The following CCDC91 variants were observed in gnomAD, a reference collection of about 807,000 sequenced individuals.
CCDC91 encodes coiled-coil domain-containing protein 91.
In CCDC91, 48 loss-of-function variants were observed where a neutral mutation model predicts 63.2. The observed-to-expected ratio is 0.76, with a 90% CI of 0.60 to 0.97. The LOEUF (loss-of-function observed/expected upper bound fraction) is 0.97. Ranked by LOEUF, CCDC91 falls within the 50% of genes least tolerant of loss-of-function variation. CCDC91 has a pLI of 0.00. For missense variants in CCDC91, 500 were observed against 494.6 expected (o/e 1.01, Z -0.10); for synonymous variants, 167 against 165.8 (o/e 1.01, Z -0.06).
At chr12:28,240,114 G>A (rs1451292310) in intron 1 of CCDC91, among the ~76,000 whole-genome samples, 1 of 152,124 alleles carries the variant, frequency 6.6e-6, no homozygotes, top group African/African-American at 2.4e-5. Flanking sequence ...GTCATCATGA[G>A]TTATTAAAGA....
At chr12:28,230,845 G>A (rs1474229035) in intron 1 of CCDC91, among the ~76,000 whole-genome samples, 2 of 152,000 alleles carry the variant, frequency 1.3e-5, no homozygotes, top group African/African-American at 2.4e-5. Flanking sequence ...GGCTGGTCTC[G>A]AACTCCTGGA....
At chr12:28,193,605 CAAA>C (rs61394800) in intron 1 of CCDC91, among the ~76,000 whole-genome samples, 38 of 130,574 alleles carry the variant, frequency 2.9e-4, no homozygotes, top group South Asian at 5.0e-4. Context: ...GTCTCAAAAA[CAAA>C]AAAAAAAAAA....
In CCDC91 at chr12:28,306,925, G is replaced by A; in HGVS notation, c.451G>A (p.Glu151Lys). The change falls in exon 5 of 13, where the codon GAA becomes AAA. Residue 151 changes from glutamate to lysine, a missense_variant. Glu to Lys is a moderately conservative substitution (Grantham distance 56). Coordinates refer to ENST00000536442, the MANE Select transcript of CCDC91 (RefSeq NM_018318.5). ...LEIKLKVSEEEKQRIKQDVES... is the reference protein window; with the variant it reads ...LEIKLKVSEEKKQRIKQDVES... ...GATTAAACTCAAAGTATCTGAAGAA[G>A]AAAAACAGAGAATTAAACAGGTATA... The A allele has an allele frequency of 6.2e-7, 1 of 1,605,028 alleles. No homozygotes were observed.
chr12:28,394,711 G>GCTCTCTCTCTCTCTCTCT (rs151131648), intron 8 of CCDC91, among the ~76,000 whole-genome samples: 2,511 of 136,958 alleles, frequency 0.018, 92 homozygotes, highest in Non-Finnish European at 0.024. Context: ...TCTGTTTCTT[G>GCTCTCTCTCTCTCTCTCT]CTCTCTCTCT....
intron 7 of CCDC91, among the ~76,000 whole-genome samples, chr12:28,385,255 C>A (rs1216943427): frequency 6.6e-6 from 1 of 151,966 alleles, no homozygotes; most frequent in East Asian, 1.9e-4. Flanking sequence ...ATACTATTAT[C>A]CTCAAGCTAA....
chr12:28,442,881 G>C (rs1165082853), intron 8 of CCDC91, among the ~76,000 whole-genome samples: 1 of 152,064 alleles, frequency 6.6e-6, no homozygotes, highest in Non-Finnish European at 1.5e-5. Flanking sequence ...AAGAGAATAA[G>C]TGCCTAACTT....
chr12:28,391,996 C>T (rs1428168118), intron 8 of CCDC91, among the ~76,000 whole-genome samples: 1 of 152,064 alleles, frequency 6.6e-6, no homozygotes, highest in South Asian at 2.1e-4. Flanking sequence ...ATTAAATTGA[C>T]TTCATATAGA....
chr12:28,279,452 C>T (rs899715151), intron 3 of CCDC91, among the ~76,000 whole-genome samples: 3 of 152,066 alleles, frequency 2.0e-5, no homozygotes, highest in Non-Finnish European at 4.4e-5. Flanking sequence ...AAGGTGAAGA[C>T]TTACTGGCCT....
chr12:28,470,380 T>C (rs1014116949), intron 11 of CCDC91, among the ~76,000 whole-genome samples: 1 of 152,122 alleles, frequency 6.6e-6, no homozygotes, highest in Admixed American at 6.6e-5. Flanking sequence ...AAAACTGCAG[T>C]GAGATATAAT....
intron 3 of CCDC91, among the ~76,000 whole-genome samples, chr12:28,295,750 G>T (rs1357275028): frequency 6.6e-6 from 1 of 151,930 alleles, no homozygotes; most frequent in Admixed American, 6.6e-5. Context: ...ATTTCTTAAG[G>T]ATCTAGTTTC....
chr12:28,190,977 G>A (rs1941177038), intron 1 of CCDC91, among the ~76,000 whole-genome samples: 1 of 152,254 alleles, frequency 6.6e-6, no homozygotes, highest in Non-Finnish European at 1.5e-5. Flanking sequence ...ACCGAACGGA[G>A]ACCTTGATTC....
chr12:28,304,637 AT>A, intron 3 of CCDC91: 2 of 1,268,668 alleles, frequency 1.6e-6, no homozygotes, highest in Non-Finnish European at 2.0e-6. Flanking sequence ...GAAACATGCA[AT>A]TTTCATTGTG....
intron 3 of CCDC91, among the ~76,000 whole-genome samples, chr12:28,289,463 A>C (rs1949089104): frequency 6.6e-6 from 1 of 152,046 alleles, no homozygotes; most frequent in South Asian, 2.1e-4. Context: ...GGAGCAGGTT[A>C]TTCAATTTTC....
chr12:28,250,204 G>A (rs1438423785), intron 1 of CCDC91, among the ~76,000 whole-genome samples: 2 of 152,090 alleles, frequency 1.3e-5, no homozygotes, highest in African/African-American at 4.8e-5. Flanking sequence ...TACTTTTTGG[G>A]ATGTGTAAGT....
chr12:28,477,566 A>T (rs1317808970), intron 11 of CCDC91, among the ~76,000 whole-genome samples: 1 of 152,172 alleles, frequency 6.6e-6, no homozygotes, highest in Non-Finnish European at 1.5e-5. Context: ...CAAGACAGGG[A>T]TGCCCTCTCT....
In CCDC91 at chr12:28,366,630, G is replaced by A. The variant is rs550077060; in HGVS notation, c.654+4115G>A. On this transcript the variant is annotated intron_variant, in intron 7 of 12. Transcript: ENST00000536442. ...AATAAGCCCCCTTCCTACGAGTGTCGGGATAGGCCATCTAGGAAACTAGAC... is the reference window on the plus strand; with the variant it reads ...AATAAGCCCCCTTCCTACGAGTGTCAGGATAGGCCATCTAGGAAACTAGAC... 1.2e-4 allele frequency among the ~76,000 whole-genome samples: 19 copies of A among 152,196 alleles called. No homozygotes were observed. In the South Asian group the frequency reaches 2.1e-3, roughly 17 times the overall value.
intron 7 of CCDC91, among the ~76,000 whole-genome samples, chr12:28,382,064 T>C (rs563352211): frequency 5.3e-5 from 8 of 152,210 alleles, no homozygotes; most frequent in East Asian, 1.9e-4. Flanking sequence ...AATAGAAGTA[T>C]TTATACTTGT....
chr12:28,235,101 T>C (rs1222292439), intron 1 of CCDC91, among the ~76,000 whole-genome samples: 1 of 152,150 alleles, frequency 6.6e-6, no homozygotes, highest in Non-Finnish European at 1.5e-5. Context: ...AAATTTCTTA[T>C]ATGGAGGGTC....
At position 28,497,526 on chromosome 12, in the gene CCDC91, C is replaced by T. The variant is rs1952370358; in HGVS notation, c.1215+13361C>T. 2.0e-5 allele frequency among the ~76,000 whole-genome samples: 3 copies of T among 151,534 alleles called. No homozygotes were observed. The Admixed American group carries it at 2.0e-4, about 10-fold the overall frequency. On this transcript the variant is annotated intron_variant, in intron 12 of 12. Transcript: ENST00000536442. Reference sequence around the variant, plus strand: ...TACTAAATTGCAAAGTTAGATTCCACCAACCCATTTGAATCTTTTCCAGAT... The same window carrying T: ...TACTAAATTGCAAAGTTAGATTCCATCAACCCATTTGAATCTTTTCCAGAT...
Sources: allele counts gnomAD v4.1 joint callset (sites outside exome capture counted in the v4.1 genomes callset), GRCh38; gene constraint gnomAD v4.1.1; transcripts MANE v1.5; gene names NCBI Gene and HGNC (gene_info 2026-07-23, HGNC 2026-07-21).